The following LRRC4C variants were observed in gnomAD, a reference collection of about 807,000 sequenced individuals.
The protein encoded by LRRC4C is leucine-rich repeat-containing protein 4C.
In LRRC4C, 5 loss-of-function variants were observed where a neutral mutation model predicts 33.6. The ratio of observed to expected loss-of-function variants is 0.15; its 90% CI spans 0.08 to 0.31. The LOEUF is 0.31. Among genes scored for constraint, LRRC4C ranks in the 10% least tolerant of loss-of-function variants. The pLI is 1.00. For missense variants in LRRC4C, 560 were observed against 796.7 expected, an observed-to-expected ratio of 0.70 and a Z score of 3.58; for synonymous variants, 329 against 302.0, an observed-to-expected ratio of 1.09 and a Z score of -0.93.
At chr11:40,227,877 C>A (rs759586739) in intron 5 of LRRC4C, among the ~76,000 whole-genome samples, 8 of 152,034 alleles carry the variant, frequency 5.3e-5, no homozygotes, top group Non-Finnish European at 1.0e-4. Flanking sequence ...AAAAGATCTA[C>A]CACTCAGAGT....
chr11:40,305,264 C>T (rs975325798), intron 4 of LRRC4C, among the ~76,000 whole-genome samples: 1 of 152,192 alleles, frequency 6.6e-6, no homozygotes, highest in Non-Finnish European at 1.5e-5. Context: ...TTTTAATTTT[C>T]TGCAGAACCC....
chr11:40,560,442 T>TTGTGTGTGTGTGTG (rs66917448), intron 3 of LRRC4C, among the ~76,000 whole-genome samples: 20 of 149,414 alleles, frequency 1.3e-4, no homozygotes, highest in South Asian at 1.3e-3. Context: ...GTGCCTGTGT[T>TTGTGTGTGTGTGTG]TGTGTGTGTG....
chr11:41,326,951 G>A (rs1192594782), intron 1 of LRRC4C, among the ~76,000 whole-genome samples: 1 of 152,164 alleles, frequency 6.6e-6, no homozygotes, highest in African/African-American at 2.4e-5. Flanking sequence ...CATTCTTGTA[G>A]ATTACACTGT....
In LRRC4C at chr11:40,869,869, T is replaced by C. The variant is rs933697000; in HGVS notation, c.-407+63766A>G. 1.3e-5 allele frequency among the ~76,000 whole-genome samples: 2 copies of C among 152,300 alleles called. 1 individual carries two copies. Among genetic ancestry groups the C allele is most frequent in the African/African-American group, 4.8e-5 (2 of 41,578 alleles). On this transcript the variant is annotated intron_variant, in intron 2 of 6. Transcript: ENST00000528697. The stretch of plus-strand genomic sequence containing the variant: ...GTGTTATTCCTGCTCTGAAGCTTTT[T>C]AATAAGCTTTCAGTCCTGCTCTAAA...
intron 2 of LRRC4C, among the ~76,000 whole-genome samples, chr11:40,716,676 C>A (rs970373609): frequency 1.3e-5 from 2 of 152,120 alleles, no homozygotes; most frequent in African/African-American, 4.8e-5. Context: ...AATCTCAATA[C>A]CTCATTTTAT....
intron 5 of LRRC4C, among the ~76,000 whole-genome samples, chr11:40,217,520 T>A (rs1201664247): frequency 6.6e-6 from 1 of 152,094 alleles, no homozygotes; most frequent in African/African-American, 2.4e-5. Flanking sequence ...TTTCTGCATC[T>A]CCTTAATTTC....
chr11:41,130,763 G>A (rs79431296), intron 1 of LRRC4C, among the ~76,000 whole-genome samples: 2,922 of 151,930 alleles, frequency 0.019, 51 homozygotes, highest in African/African-American at 0.042. Context: ...CAATATTAGA[G>A]TAAGTTCTTA....
chr11:41,370,050 G>C (rs191456361), intron 1 of LRRC4C, among the ~76,000 whole-genome samples: 76 of 152,202 alleles, frequency 5.0e-4, no homozygotes, highest in African/African-American at 1.8e-3. Flanking sequence ...CACTAAAACG[G>C]AAAAGCATTT....
intron 1 of LRRC4C, among the ~76,000 whole-genome samples, chr11:41,336,453 AT>A (rs1951457532): frequency 6.6e-6 from 1 of 151,456 alleles, no homozygotes; most frequent in East Asian, 1.9e-4. Context: ...AAAAAAAAAA[AT>A]ATCGGGGGCC....
rs145990843 is a variant in LRRC4C, at chr11:40,660,653, T to A, written c.-406-12375A>T. Among the ~76,000 whole-genome samples, 55 of 152,278 alleles carry A rather than the reference T, an allele frequency of 3.6e-4. No homozygotes were observed. The East Asian group carries it at 7.4e-3, about 20-fold the overall frequency. On this transcript the variant is annotated intron_variant, in intron 2 of 6. Transcript: ENST00000528697. ...AAGTAAGCACACAATGATCTCTTCC[T>A]GATTCTTAGAGTCCAGCAGGCACTG... is the stretch of plus-strand genomic sequence containing the variant.
At chr11:40,129,152 A>G (rs1468655046) in intron 6 of LRRC4C, among the ~76,000 whole-genome samples, 1 of 152,190 alleles carries the variant, frequency 6.6e-6, no homozygotes, top group Non-Finnish European at 1.5e-5. Flanking sequence ...CATTAAGTCA[A>G]GGCTGTAAAC....
At chr11:40,390,636 G>A (rs1949297577) in intron 3 of LRRC4C, among the ~76,000 whole-genome samples, 7 of 151,998 alleles carry the variant, frequency 4.6e-5, no homozygotes. Flanking sequence ...TAATATATAA[G>A]CTTAACAGTG....
At chr11:40,204,139 C>T (rs939426527) in intron 5 of LRRC4C, among the ~76,000 whole-genome samples, 4 of 152,082 alleles carry the variant, frequency 2.6e-5, no homozygotes, top group African/African-American at 9.7e-5. Context: ...GTTACTTACC[C>T]AGGCTGGTCT....
intron 2 of LRRC4C, among the ~76,000 whole-genome samples, chr11:40,690,401 A>G (rs527491399): frequency 1.3e-5 from 2 of 152,014 alleles, no homozygotes; most frequent in Non-Finnish European, 2.9e-5. Flanking sequence ...GAACAAGCAA[A>G]CCCTATTTAT....
chr11:41,342,091 C>T (rs1183937823), intron 1 of LRRC4C, among the ~76,000 whole-genome samples: 1 of 151,556 alleles, frequency 6.6e-6, no homozygotes, highest in African/African-American at 2.4e-5. Flanking sequence ...CTTGTATCTT[C>T]TTAAAACAAC....
At chr11:40,384,778 G>A (rs1949039503) in intron 3 of LRRC4C, among the ~76,000 whole-genome samples, 1 of 151,536 alleles carries the variant, frequency 6.6e-6, no homozygotes, top group South Asian at 2.1e-4. Context: ...AATCAAATTA[G>A]AAAGCCACTC....
intron 3 of LRRC4C, among the ~76,000 whole-genome samples, chr11:40,330,829 A>G (rs1422427116): frequency 1.3e-5 from 2 of 152,172 alleles, no homozygotes; most frequent in Admixed American, 6.5e-5. Context: ...TTGGGTTAGG[A>G]CACAGCCAAA....
chr11:40,648,474 T>C (rs1157423500), intron 2 of LRRC4C, among the ~76,000 whole-genome samples, 196 bp from the exon 3 acceptor site: 1 of 152,204 alleles, frequency 6.6e-6, no homozygotes, highest in Non-Finnish European at 1.5e-5. Context: ...AATGTTATGG[T>C]CATTTTGTAA....
chr11:40,441,481 A>G (rs188773197), intron 3 of LRRC4C, among the ~76,000 whole-genome samples: 1 of 152,284 alleles, frequency 6.6e-6, no homozygotes, highest in Admixed American at 6.5e-5. Context: ...GATACAATGC[A>G]TTCTTTATTT....
Sources: gnomAD v4.1 joint callset for allele counts (sites outside exome capture counted in the v4.1 genomes callset) on GRCh38, gnomAD v4.1.1 for gene constraint, MANE v1.5 for transcripts, NCBI Gene and HGNC (gene_info 2026-07-23, HGNC 2026-07-21) for gene names.